MORC4: variants seen among roughly 807,000 people sequenced by gnomAD.
MORC4 encodes MORC family CW-type zinc finger 4.
In MORC4, 22 loss-of-function variants were observed where a neutral mutation model predicts 65.5. That is an observed-to-expected ratio of 0.34 (90% CI 0.24 to 0.48). MORC4 has a LOEUF of 0.48. MORC4 is among the 20% of genes least tolerant of loss of function. The pLI is 0.99. For synonymous variants in MORC4, 267 were observed against 255.8 expected, an observed-to-expected ratio of 1.04 and a Z score of -0.42; for missense variants, 624 against 703.0, an observed-to-expected ratio of 0.89 and a Z score of 1.27.
At chrX:106,999,384 A>T (rs1935136996) in intron 2 of MORC4, among the ~76,000 whole-genome samples, 1 of 111,234 alleles carries the variant, frequency 9.0e-6, no homozygotes, top group Non-Finnish European at 1.9e-5. Context: ...TCTCCTTTTG[A>T]TTACTAACTA....
At chrX:106,967,022 G>A (rs1934392497) in intron 9 of MORC4, among the ~76,000 whole-genome samples, 2 of 111,769 alleles carry the variant, frequency 1.8e-5, no homozygotes, top group South Asian at 3.8e-4. Context: ...CCTGACCCCC[G>A]TGTAGCCTGA....
chrX:106,955,065 G>C lies in MORC4; in HGVS notation c.1533C>G (p.Ile511Met). The change falls in exon 14 of 17, where the codon ATC becomes ATG. Residue 511 changes from isoleucine (I) to methionine (M), a missense_variant. Coordinates refer to ENST00000355610, the MANE Select transcript of MORC4 (RefSeq NM_024657.5). Reference protein sequence around the residue: ...NHQVFSNPPKILTVQEMAGLN... With the variant: ...NHQVFSNPPKMLTVQEMAGLN... ...ATCCAGCCATTTCTTGAACAGTAAG[G>C]ATCTTTGGTGGATTACTGAATACCT... is the stretch of plus-strand genomic sequence containing the variant. 8.4e-7 allele frequency: 1 copy of C among 1,197,074 alleles called. No homozygotes were observed. Among genetic ancestry groups the C allele is most frequent in the South Asian group, 1.8e-5 (1 of 54,291 alleles).
At chrX:106,978,321 G>T in intron 7 of MORC4, 122 bp from the exon 8 acceptor site, 2 of 612,758 alleles carry the variant, frequency 3.3e-6, no homozygotes, top group Non-Finnish European at 4.8e-6. Flanking sequence ...CTTTTTGCGG[G>T]CATTTAAACA....
chrX:106,995,346 C>T (rs1384585274), intron 2 of MORC4, among the ~76,000 whole-genome samples: 2 of 111,903 alleles, frequency 1.8e-5, no homozygotes, highest in Non-Finnish European at 3.8e-5. Flanking sequence ...AAGCCAAACA[C>T]TGGAGCCTCC....
chrX:106,971,376 T>C (rs1435378101), intron 9 of MORC4, among the ~76,000 whole-genome samples: 1 of 111,725 alleles, frequency 9.0e-6, no homozygotes, highest in Non-Finnish European at 1.9e-5. Flanking sequence ...GAAGAAAACC[T>C]AGGCAATACC....
In MORC4 at chrX:106,942,685, C is replaced by G. The variant is rs1366782137; in HGVS notation, c.2206G>C (p.Ala736Pro). 1.7e-6 allele frequency: 2 copies of G among 1,211,732 alleles called. No individual in the cohort carries two copies. The highest frequency in any genetic ancestry group is 2.2e-5 in the Admixed American group (1 of 46,007). ...ESWNPVPYSV[A>P]SAAIPAAAIG... ...GCTGCAGCAGGGATTGCAGCAGAGGCCACAGAATAAGGCACTGGGTTCCAG... is the reference window on the plus strand; with the variant it reads ...GCTGCAGCAGGGATTGCAGCAGAGGGCACAGAATAAGGCACTGGGTTCCAG... The change falls in exon 15 of 17, where the codon GCC becomes CCC. Residue 736 changes from alanine to proline, a missense_variant. Physicochemically the swap from Ala to Pro is conservative, Grantham distance 27 (BLOSUM62 -1). Coordinates refer to ENST00000355610, the MANE Select transcript of MORC4 (RefSeq NM_024657.5).
chrX:106,993,597 T>G (rs755320274), intron 2 of MORC4, among the ~76,000 whole-genome samples: 1 of 112,182 alleles, frequency 8.9e-6, no homozygotes, highest in South Asian at 3.7e-4. Flanking sequence ...CGATATGCAA[T>G]CTGCCTTTCC....
Position 106,956,524 on chromosome X carries a change from C to T in MORC4, c.1465G>A (p.Val489Ile). ...ATAGGCATCTTCTTCTTCTCCTCAA[C>T]AGTTTGTTCTCTAGGAGAAGATAAA... Reference protein sequence around the residue: ...LSKAKKQEQTVEEKKKMPMEN... With the variant: ...LSKAKKQEQTIEEKKKMPMEN... The change falls in exon 13 of 17, where the codon GTT (valine) becomes ATT (isoleucine). Residue 489 changes from valine (V) to isoleucine (I), a missense_variant. Val to Ile is a conservative substitution (Grantham distance 29). Transcript: ENST00000355610. 1 of 1,205,606 alleles carries T rather than the reference C, an allele frequency of 8.3e-7. No individual in the cohort carries two copies. Among genetic ancestry groups the T allele is most frequent in the Non-Finnish European group, 1.1e-6 (1 of 889,822 alleles).
intron 3 of MORC4, among the ~76,000 whole-genome samples, chrX:106,992,363 A>C (rs1934999550): frequency 8.9e-6 from 1 of 112,211 alleles, no homozygotes; most frequent in Non-Finnish European, 1.9e-5. Flanking sequence ...ACAGCATTCC[A>C]CCATTGTTAC....
At position 106,941,650 on chromosome X, in the gene MORC4, G is replaced by A; in HGVS notation, c.2661-18C>T. On this transcript the variant is annotated intron_variant, in intron 16 of 16. Transcript: ENST00000355610. The stretch of plus-strand genomic sequence containing the variant: ...CCAAAGCCCTGTATGAAGGAGTGAG[G>A]GGGCAGGAGAAGAGATGACATGAAG... 1.7e-6 allele frequency: 2 copies of A among 1,202,174 alleles called. No homozygotes were observed. Among genetic ancestry groups the A allele is most frequent in the Non-Finnish European group, 2.2e-6 (2 of 889,974 alleles).
At chrX:106,945,414 TTGTGTGTGTGTGTGTGTGTGTG>T (rs35077497) in intron 14 of MORC4, among the ~76,000 whole-genome samples, 1 of 83,241 alleles carries the variant, frequency 1.2e-5, no homozygotes, top group African/African-American at 4.3e-5. Context: ...ACTTACTACT[TTGTGTGTGTGTGTGTGTGTGTG>T]TGTGTGTGTG....
intron 9 of MORC4, among the ~76,000 whole-genome samples, chrX:106,967,875 A>C (rs958490282): frequency 8.9e-6 from 1 of 112,244 alleles, no homozygotes; most frequent in Non-Finnish European, 1.9e-5. Flanking sequence ...AAATGGAACC[A>C]AGTTAGAAAA....
intron 2 of MORC4, among the ~76,000 whole-genome samples, chrX:106,995,958 C>T (rs1339400854): frequency 8.9e-6 from 1 of 112,339 alleles, no homozygotes; most frequent in Non-Finnish European, 1.9e-5. Context: ...GATGATACAA[C>T]TTGTCAATCA....
At chrX:106,958,523 C>T in intron 10 of MORC4, 59 bp from the exon 11 acceptor site, 2 of 1,033,369 alleles carry the variant, frequency 1.9e-6, no homozygotes, top group Non-Finnish European at 2.5e-6. Context: ...CTTTGTCTTA[C>T]ATTAGAAAGG....
intron 8 of MORC4, among the ~76,000 whole-genome samples, chrX:106,977,178 C>T (rs1213275615): frequency 8.9e-6 from 1 of 111,800 alleles, no homozygotes; most frequent in East Asian, 2.8e-4. Flanking sequence ...TAAAGAGTCA[C>T]ACTTACAGCA....
rs930473625 is a variant in MORC4, at chrX:106,941,413, G to A, written c.*66C>T. 29 of 767,678 alleles carry A rather than the reference G, an allele frequency of 3.8e-5. No individual in the cohort carries two copies. The highest frequency in any genetic ancestry group is 2.0e-4 in the South Asian group (7 of 35,269). The allele number at this position is 767,678 out of a possible 1,213,427, so 63.3% of individuals were successfully genotyped here. A position where few individuals can be genotyped will look rare whatever the true frequency, so the allele number is the denominator to read the frequency against. ...GAGAGAGAGAGAGAGAGAGAGAGAC[G>A]TGAGGGAGGGAGAGAAAAGAGAACA... On this transcript the variant is annotated 3_prime_UTR_variant, in exon 17 of 17. Transcript: ENST00000355610.
In MORC4 at chrX:106,966,847, C is replaced by G. The variant is rs1390520439; in HGVS notation, c.1158-4737G>C. 2.7e-5 allele frequency among the ~76,000 whole-genome samples: 3 copies of G among 112,781 alleles called. No homozygotes were observed. The Admixed American group carries it at 2.8e-4, about 10-fold the overall frequency. On this transcript the variant is annotated intron_variant, in intron 9 of 16. Transcript: ENST00000355610. ...CACCACAGCTCAGCAAGGCCTACTG[C>G]CTCTCTAGATTCCACCTCTGGGGGC...
At chrX:106,999,147 G>A (rs774369472) in intron 2 of MORC4, among the ~76,000 whole-genome samples, 7 of 111,511 alleles carry the variant, frequency 6.3e-5, no homozygotes, top group Non-Finnish European at 1.1e-4. Flanking sequence ...CGTGGACCAC[G>A]GACCCAGCCC....
intron 2 of MORC4, among the ~76,000 whole-genome samples, chrX:106,993,812 T>C (rs1392749280): frequency 1.8e-5 from 2 of 112,312 alleles, no homozygotes; most frequent in Non-Finnish European, 3.8e-5. Flanking sequence ...TACAGTTTAT[T>C]TGTGATCATT....
Sources: gnomAD v4.1 joint callset for allele counts (sites outside exome capture counted in the v4.1 genomes callset) on GRCh38, gnomAD v4.1.1 for gene constraint, MANE v1.5 for transcripts, NCBI Gene and HGNC (gene_info 2026-07-23, HGNC 2026-07-21) for gene names.